ANTXRL: variants seen among roughly 807,000 people sequenced by gnomAD.
ANTXRL encodes anthrax toxin receptor-like.
Under a neutral mutation model 75.4 loss-of-function variants are expected in ANTXRL, and 63 were observed. That is an observed-to-expected ratio of 0.84 (90% CI 0.68 to 1.03). The LOEUF (loss-of-function observed/expected upper bound fraction) is 1.03. ANTXRL is among the 50% of genes least tolerant of loss of function. The pLI is 0.00. For synonymous variants in ANTXRL, 335 were observed against 291.3 expected (o/e 1.15, Z -1.53); for missense variants, 797 against 789.4 (o/e 1.01, Z -0.12).
At chr10:46,295,869 A>G (rs1461024031) in intron 3 of ANTXRL, 150 bp from the exon 4 acceptor site, 3 of 697,726 alleles carry the variant, frequency 4.3e-6, no homozygotes, top group Non-Finnish European at 5.0e-6. Context: ...CAAAATCACA[A>G]TGAGGAATGA....
chr10:46,302,299 T>C (rs2132730839), intron 9 of ANTXRL, among the ~76,000 whole-genome samples: 1 of 152,254 alleles, frequency 6.6e-6, no homozygotes, highest in East Asian at 1.9e-4. Flanking sequence ...AGCTGAGGCA[T>C]GAGACATGGT....
intron 16 of ANTXRL, among the ~76,000 whole-genome samples, chr10:46,323,942 A>G (rs1839095292): frequency 6.6e-6 from 1 of 152,118 alleles, no homozygotes; most frequent in South Asian, 2.1e-4. Context: ...AGTCCAAGAA[A>G]ACCTCTTAAA....
rs1450278269 is a variant in ANTXRL at position 46,311,672 on chromosome 10, AGG to A, written c.1329+9_1329+10del. 1.1e-5 allele frequency: 11 copies of A among 958,300 alleles called. No homozygotes were observed. The highest frequency in any genetic ancestry group is 2.0e-4 in the Middle Eastern group (1 of 4,912). 59.4% of individuals were successfully genotyped at this position (958,300 alleles called of 1,614,324 possible). ...CGGGATGAGAAGGATAGAGGTGAGA[AGG>A]GCACAGTGGAGAGGGGCTGTGACCC... is the stretch of plus-strand genomic sequence containing the variant. On this transcript the variant is annotated splice_region_variant and intron_variant, in intron 15 of 16. Coordinates refer to ENST00000620264, the MANE Select transcript of ANTXRL (RefSeq NM_001278688.3).
chr10:46,302,071 G>C (rs781978855), intron 9 of ANTXRL, among the ~76,000 whole-genome samples: 1 of 152,214 alleles, frequency 6.6e-6, no homozygotes, highest in Admixed American at 6.5e-5. Flanking sequence ...AGGAAGAGCA[G>C]AATATGAGAA....
chr10:46,324,715 GT>G (rs1554966142), intron 16 of ANTXRL, among the ~76,000 whole-genome samples: 4 of 152,008 alleles, frequency 2.6e-5, no homozygotes, highest in African/African-American at 9.7e-5. Context: ...AAATATTCAG[GT>G]GTTTTAGAAA....
intron 9 of ANTXRL, among the ~76,000 whole-genome samples, chr10:46,299,147 T>A (rs1554959842): frequency 1.3e-5 from 2 of 152,038 alleles, no homozygotes; most frequent in East Asian, 3.9e-4. Context: ...GGAGCTGAAA[T>A]GTCTGTGTAA....
intron 10 of ANTXRL, among the ~76,000 whole-genome samples, chr10:46,304,950 G>A (rs1413386787): frequency 2.0e-5 from 3 of 152,168 alleles, no homozygotes; most frequent in East Asian, 1.9e-4. Flanking sequence ...GGCCAGCACC[G>A]ACGTCTCACA....
intron 11 of ANTXRL, 91 bp downstream of exon 11, chr10:46,306,963 C>T (rs1356777581): frequency 1.8e-6 from 2 of 1,095,758 alleles, no homozygotes; most frequent in Non-Finnish European, 2.5e-6. Context: ...TGCCCCCCAC[C>T]CCCTGCTGGG....
At chr10:46,302,877 C>T (rs538686404) in intron 10 of ANTXRL, 57 bp downstream of exon 10, 86 of 1,333,268 alleles carry the variant, frequency 6.5e-5, no homozygotes, top group African/African-American at 4.8e-4. Context: ...TGCTGCCTTT[C>T]CCCACAGCCA....
At chr10:46,292,998 G>A (rs1554956936) in intron 2 of ANTXRL, 1 of 152,612 alleles carries the variant, frequency 6.6e-6, no homozygotes, top group Non-Finnish European at 1.5e-5. Flanking sequence ...ATGACGGAGA[G>A]GAGAGGGAGG....
chr10:46,292,027 T>A, intron 1 of ANTXRL, 31 bp from the exon 2 acceptor site: 1 of 1,533,104 alleles, frequency 6.5e-7, no homozygotes, highest in Non-Finnish European at 8.7e-7. Flanking sequence ...GATGCACTCA[T>A]CTCCCTGACC....
At chr10:46,289,189 G>A (rs1370702444) in intron 1 of ANTXRL, among the ~76,000 whole-genome samples, 6 of 152,124 alleles carry the variant, frequency 3.9e-5, no homozygotes, top group Non-Finnish European at 8.8e-5. Flanking sequence ...CTTGTTCATT[G>A]ATTGGATTGA....
Position 46,292,038 on chromosome 10 carries a change from C to G in ANTXRL, c.249-20C>G, listed in dbSNP as rs1199020696. Reference sequence around the variant, plus strand: ...GAGAGATGCACTCATCTCCCTGACCCACATCTCCTTTTGTTTTAGGTCTGG... The same window carrying G: ...GAGAGATGCACTCATCTCCCTGACCGACATCTCCTTTTGTTTTAGGTCTGG... On this transcript the variant is annotated intron_variant, in intron 1 of 16. Coordinates refer to ENST00000620264, the MANE Select transcript of ANTXRL (RefSeq NM_001278688.3). The G allele has an allele frequency of 5.9e-6, 9 of 1,535,084 alleles. No homozygotes were observed. Among genetic ancestry groups the G allele is most frequent in the Non-Finnish European group, 7.0e-6 (8 of 1,145,974 alleles).
intron 1 of ANTXRL, among the ~76,000 whole-genome samples, chr10:46,291,506 A>G (rs1361137839): frequency 6.6e-6 from 1 of 151,882 alleles, no homozygotes; most frequent in Non-Finnish European, 1.5e-5. Context: ...TTACATTGTT[A>G]TCTTAACAAT....
In ANTXRL at chr10:46,330,081, C is replaced by T. The variant is rs1305872319; in HGVS notation, c.1893C>T (p.Phe631=). 2.0e-6 allele frequency: 3 copies of T among 1,504,144 alleles called. No homozygotes were observed. In the African/African-American group the frequency reaches 4.2e-5, roughly 21 times the overall value. 93.2% of individuals were successfully genotyped at this position (1,504,144 alleles called of 1,614,324 possible). A position where few individuals can be genotyped will look rare whatever the true frequency, so the allele number is the denominator to read the frequency against. The change falls in exon 17 of 17, where the codon TTC becomes TTT. Residue 631 remains phenylalanine (F), a synonymous_variant. Transcript: ENST00000620264. ...CACTCCCCCCCTCAGAGCCCAACTT[C>T]TAAGGCACCAAACACCCAAGATTAA... ...PLSLPPSEPN[F] is the part of the protein sequence containing the mutation.
chr10:46,306,322 C>T (rs1461960425), intron 10 of ANTXRL, among the ~76,000 whole-genome samples: 8 of 152,216 alleles, frequency 5.3e-5, no homozygotes, highest in Non-Finnish European at 1.2e-4. Context: ...AACCTGCCCC[C>T]ACCTGCTTTC....
intron 16 of ANTXRL, 50 bp downstream of exon 16, chr10:46,313,366 TC>T: frequency 6.7e-7 from 1 of 1,499,726 alleles, no homozygotes; most frequent in Non-Finnish European, 9.0e-7. Context: ...CCACTGCTTT[TC>T]CCCTGACCAC....
At chr10:46,314,707 C>A (rs1838625239) in intron 16 of ANTXRL, among the ~76,000 whole-genome samples, 1 of 152,122 alleles carries the variant, frequency 6.6e-6, no homozygotes, top group African/African-American at 2.4e-5. Context: ...TCTGCCAGGC[C>A]CTTGCCACTG....
rs150485763 is a variant in ANTXRL, at chr10:46,315,903, T to C, written c.1410+2587T>C. Among the ~76,000 whole-genome samples, 3 of 152,194 alleles carry C rather than the reference T, an allele frequency of 2.0e-5. No individual in the cohort carries two copies. In the East Asian group the frequency reaches 5.9e-4, roughly 30 times the overall value. ...ATTTCAATTTTTGTTTTAAATTGAG[T>C]GTGTCTCCCTGCTCCATCACCTTCA... On this transcript the variant is annotated intron_variant, in intron 16 of 16. Coordinates refer to ENST00000620264, the MANE Select transcript of ANTXRL (RefSeq NM_001278688.3).
Sources: gnomAD v4.1 joint callset for allele counts (sites outside exome capture counted in the v4.1 genomes callset) on GRCh38, gnomAD v4.1.1 for gene constraint, MANE v1.5 for transcripts, NCBI Gene and HGNC (gene_info 2026-07-23, HGNC 2026-07-21) for gene names.